Variants in ASIC2 observed in about 807,000 individuals in gnomAD.
The protein encoded by ASIC2 is acid-sensing ion channel 2.
A neutral mutation model predicts 57.3 loss-of-function variants in ASIC2; 25 were observed. The ratio of observed to expected loss-of-function variants is 0.44; its 90% CI spans 0.32 to 0.61. The LOEUF (loss-of-function observed/expected upper bound fraction) is 0.61. Ranked by LOEUF, ASIC2 falls within the 20% of genes least tolerant of loss-of-function variation. ASIC2 has a pLI of 0.06. For synonymous variants in ASIC2, 319 were observed against 307.5 expected (o/e 1.04, Z -0.39); for missense variants, 641 against 738.1 (o/e 0.87, Z 1.52).
chr17:33,712,168 A>G (rs2142076986), intron 1 of ASIC2, among the ~76,000 whole-genome samples: 1 of 152,272 alleles, frequency 6.6e-6, no homozygotes, highest in Admixed American at 6.5e-5. Context: ...GTTTCACTGA[A>G]CCACTTGACC....
intron 1 of ASIC2, among the ~76,000 whole-genome samples, chr17:33,516,069 C>T (rs1195430951): frequency 6.6e-6 from 1 of 152,042 alleles, no homozygotes; most frequent in East Asian, 1.9e-4. Flanking sequence ...CCTGACACTG[C>T]ACTCCAGCCT....
upstream of ASIC2, among the ~76,000 whole-genome samples, chr17:33,296,828 T>G (rs1266136134): frequency 1.3e-5 from 2 of 152,264 alleles, no homozygotes; most frequent in Non-Finnish European, 2.9e-5. Flanking sequence ...GATCCCTCAG[T>G]GTTCCTGTTT....
chr17:33,118,264 A>G (rs1479102755), intron 1 of ASIC2, among the ~76,000 whole-genome samples: 1 of 152,218 alleles, frequency 6.6e-6, no homozygotes, highest in African/African-American at 2.4e-5. Context: ...CTGAAATCAC[A>G]GGCTGGCTTT....
chr17:33,401,815 G>C (rs571831103), intron 1 of ASIC2, among the ~76,000 whole-genome samples: 19 of 152,300 alleles, frequency 1.2e-4, no homozygotes, highest in Non-Finnish European at 2.6e-4. Context: ...GGCCTGGAAA[G>C]GAGAGAGCAG....
intron 1 of ASIC2, among the ~76,000 whole-genome samples, chr17:33,365,742 C>A (rs1908785084): frequency 6.6e-6 from 1 of 152,154 alleles, no homozygotes; most frequent in Non-Finnish European, 1.5e-5. Context: ...TACTTTATCC[C>A]CTTTTTATTT....
chr17:34,030,971 C>G (rs1204046404), intron 1 of ASIC2, among the ~76,000 whole-genome samples: 6 of 152,252 alleles, frequency 3.9e-5, no homozygotes. Context: ...GCAATAACCT[C>G]TGCAGAATTA....
intron 1 of ASIC2, among the ~76,000 whole-genome samples, chr17:33,286,469 C>T (rs1437197508): frequency 6.6e-6 from 1 of 152,072 alleles, no homozygotes; most frequent in East Asian, 1.9e-4. Flanking sequence ...CTCCAGGCAC[C>T]CACTACATAA....
At chr17:34,071,270 G>C (rs1353084139) in intron 1 of ASIC2, 1 of 152,048 alleles carries the variant, frequency 6.6e-6, no homozygotes, top group Non-Finnish European at 1.5e-5. Flanking sequence ...CTGTCCCTTG[G>C]TCAATTACAT....
chr17:33,641,719 T>A (rs936430741), intron 1 of ASIC2, among the ~76,000 whole-genome samples: 2 of 152,120 alleles, frequency 1.3e-5, no homozygotes, highest in Non-Finnish European at 2.9e-5. Context: ...AAACCTCACC[T>A]CCTTCTGGTT....
chr17:33,247,373 G>A (rs1908726310), intron 1 of ASIC2, among the ~76,000 whole-genome samples: 1 of 152,182 alleles, frequency 6.6e-6, no homozygotes, highest in South Asian at 2.1e-4. Flanking sequence ...AAATACAAAT[G>A]TTGAGGGCCT....
chr17:33,215,236 G>A (rs527352019), intron 1 of ASIC2, among the ~76,000 whole-genome samples: 1 of 152,320 alleles, frequency 6.6e-6, no homozygotes, highest in South Asian at 2.1e-4. Flanking sequence ...ACGATTCTGG[G>A]GAGAGGGTAC....
At chr17:33,219,335 C>T (rs1907611138) in intron 1 of ASIC2, among the ~76,000 whole-genome samples, 1 of 152,220 alleles carries the variant, frequency 6.6e-6, no homozygotes, top group African/African-American at 2.4e-5. Context: ...TCATATCTTA[C>T]TTCAGTTAAT....
At chr17:34,067,493 A>T (rs985669040) in intron 1 of ASIC2, among the ~76,000 whole-genome samples, 3 of 152,188 alleles carry the variant, frequency 2.0e-5, no homozygotes, top group African/African-American at 7.2e-5. Flanking sequence ...TGTTAGTGAG[A>T]ACATGAATTG....
At chr17:33,587,550 C>T (rs954351144) in intron 1 of ASIC2, among the ~76,000 whole-genome samples, 1 of 152,190 alleles carries the variant, frequency 6.6e-6, no homozygotes, top group Non-Finnish European at 1.5e-5. Context: ...CAGTGATTGA[C>T]AAGAAGGTGA....
intron 1 of ASIC2, among the ~76,000 whole-genome samples, chr17:33,501,397 G>C (rs1422097096): frequency 6.6e-6 from 1 of 152,082 alleles, no homozygotes; most frequent in Non-Finnish European, 1.5e-5. Context: ...GTGCCAGCAG[G>C]GGCTCCAGTG....
At chr17:34,060,642 T>A (rs2189327) in intron 1 of ASIC2, among the ~76,000 whole-genome samples, 1 of 151,804 alleles carries the variant, frequency 6.6e-6, no homozygotes, top group Non-Finnish European at 1.5e-5. Flanking sequence ...ATAGATAGCA[T>A]AAAGAAAAAA....
intron 1 of ASIC2, among the ~76,000 whole-genome samples, chr17:33,582,786 C>T (rs887059030): frequency 6.6e-6 from 1 of 152,154 alleles, no homozygotes; most frequent in African/African-American, 2.4e-5. Flanking sequence ...CCCCCTCATA[C>T]ACATTCCAAA....
chr17:33,896,187 A>G (rs920197316), intron 1 of ASIC2, among the ~76,000 whole-genome samples: 7 of 152,348 alleles, frequency 4.6e-5, no homozygotes, highest in Non-Finnish European at 5.9e-5. Context: ...TAGAGGACAA[A>G]TGAATGCATG....
intron 1 of ASIC2, among the ~76,000 whole-genome samples, chr17:33,369,602 T>C (rs976359038): frequency 5.9e-5 from 9 of 152,208 alleles, no homozygotes; most frequent in Admixed American, 4.6e-4. Flanking sequence ...ACTGATGTCA[T>C]GTCACTTATT....
Sources: allele counts gnomAD v4.1 joint callset (sites outside exome capture counted in the v4.1 genomes callset), GRCh38; gene constraint gnomAD v4.1.1; transcripts MANE v1.5; gene names NCBI Gene and HGNC (gene_info 2026-07-23, HGNC 2026-07-21).